ARHGEF28: variants seen among roughly 807,000 people sequenced by gnomAD.
ARHGEF28 encodes 190 kDa guanine nucleotide exchange factor.
In ARHGEF28, 152 loss-of-function variants were observed where a neutral mutation model predicts 206.6. The observed-to-expected ratio is 0.74, with a 90% CI of 0.64 to 0.84. ARHGEF28 has a LOEUF of 0.84. Ranked by LOEUF, ARHGEF28 falls within the 40% of genes least tolerant of loss-of-function variation. The pLI is 0.00. For missense variants in ARHGEF28, 2,028 were observed against 2,073.2 expected, an observed-to-expected ratio of 0.98 and a Z score of 0.42; for synonymous variants, 763 against 776.4, an observed-to-expected ratio of 0.98 and a Z score of 0.29.
chr5:73,761,652 A>T (rs1486850004), intron 4 of ARHGEF28, among the ~76,000 whole-genome samples: 2 of 152,140 alleles, frequency 1.3e-5, no homozygotes, highest in Admixed American at 1.3e-4. Context: ...ATCCTACCCT[A>T]GGTCCCCATA....
chr5:73,683,765 T>C (rs967902528), intron 1 of ARHGEF28, among the ~76,000 whole-genome samples: 2 of 152,138 alleles, frequency 1.3e-5, no homozygotes, highest in African/African-American at 4.8e-5. Context: ...AACTATCTTG[T>C]CACTATGCTA....
chr5:73,853,546 AT>A (rs199975368), intron 14 of ARHGEF28, among the ~76,000 whole-genome samples: 15 of 149,964 alleles, frequency 1.0e-4, no homozygotes, highest in East Asian at 1.9e-4. Flanking sequence ...GATCATTTCT[AT>A]TTTTTTTTTG....
chr5:73,724,305 G>A (rs968470514), intron 2 of ARHGEF28, among the ~76,000 whole-genome samples: 2 of 152,038 alleles, frequency 1.3e-5, no homozygotes, highest in African/African-American at 4.8e-5. Context: ...TTTCCCTTAG[G>A]AAATATAGAT....
chr5:73,748,355 A>C (rs1751850306), intron 2 of ARHGEF28, among the ~76,000 whole-genome samples: 1 of 151,482 alleles, frequency 6.6e-6, no homozygotes, highest in Non-Finnish European at 1.5e-5. Context: ...ATTTTTTTTC[A>C]GAACTCTATA....
intron 1 of ARHGEF28, among the ~76,000 whole-genome samples, chr5:73,628,356 G>A (rs1743135499): frequency 6.6e-6 from 1 of 152,138 alleles, no homozygotes; most frequent in East Asian, 1.9e-4. Flanking sequence ...AACAAGTCCT[G>A]CCAGTTTATG....
chr5:73,757,021 A>G (rs1752350457), intron 4 of ARHGEF28, among the ~76,000 whole-genome samples: 1 of 152,220 alleles, frequency 6.6e-6, no homozygotes. Flanking sequence ...TTGCCTATTC[A>G]TAACCATTTG....
chr5:73,894,389 A>T lies in ARHGEF28; in HGVS notation c.3659-4A>T, dbSNP rs1387256607. 3 of 1,599,024 alleles carry T rather than the reference A, an allele frequency of 1.9e-6. No homozygotes were observed. In the South Asian group the frequency reaches 3.4e-5, roughly 18 times the overall value. ...AATCTTCTATGGTAAATACTATTTCATAGAAATACTCACTAACCAAGACCA... is the reference window on the plus strand; with the variant it reads ...AATCTTCTATGGTAAATACTATTTCTTAGAAATACTCACTAACCAAGACCA... On this transcript the variant is annotated splice_polypyrimidine_tract_variant and splice_region_variant and intron_variant, in intron 28 of 35. Transcript: ENST00000513042.
intron 14 of ARHGEF28, among the ~76,000 whole-genome samples, chr5:73,856,763 A>G (rs1308791179): frequency 6.6e-6 from 1 of 152,166 alleles, no homozygotes; most frequent in African/African-American, 2.4e-5. Context: ...CAGTATGGAA[A>G]GGTGAGAATT....
chr5:73,785,683 A>G (rs1210966399), intron 7 of ARHGEF28, among the ~76,000 whole-genome samples: 1 of 152,172 alleles, frequency 6.6e-6, no homozygotes, highest in Non-Finnish European at 1.5e-5. Context: ...ATTATTTTGT[A>G]GTTCAAAAAC....
At chr5:73,733,204 G>A (rs1334493114) in intron 2 of ARHGEF28, among the ~76,000 whole-genome samples, 1 of 152,038 alleles carries the variant, frequency 6.6e-6, no homozygotes, top group Non-Finnish European at 1.5e-5. Context: ...TATATCCTGT[G>A]TTATTCCTAA....
intron 2 of ARHGEF28, among the ~76,000 whole-genome samples, chr5:73,741,557 T>C (rs1751436122): frequency 6.6e-6 from 1 of 150,520 alleles, no homozygotes; most frequent in Admixed American, 6.6e-5. Context: ...GTAGCTGGGA[T>C]TATAGGTGTG....
At chr5:73,626,776 C>A (rs1291532486) in intron 1 of ARHGEF28, among the ~76,000 whole-genome samples, 1 of 152,178 alleles carries the variant, frequency 6.6e-6, no homozygotes, top group Non-Finnish European at 1.5e-5. Context: ...GCAGACGGAA[C>A]GCAAGCTCAG....
At chr5:73,878,952 C>A (rs1213185505) in intron 22 of ARHGEF28, among the ~76,000 whole-genome samples, 1 of 151,976 alleles carries the variant, frequency 6.6e-6, no homozygotes, top group Non-Finnish European at 1.5e-5. Context: ...TCTGTATTTC[C>A]TGAATCTCAG....
chr5:73,781,676 G>T (rs909504844), intron 7 of ARHGEF28, among the ~76,000 whole-genome samples: 1 of 152,134 alleles, frequency 6.6e-6, no homozygotes, highest in Non-Finnish European at 1.5e-5. Context: ...CCCGGTGGTT[G>T]CAAAAATCTA....
intron 2 of ARHGEF28, among the ~76,000 whole-genome samples, chr5:73,724,781 A>G (rs1299720150): frequency 1.3e-5 from 2 of 152,228 alleles, no homozygotes; most frequent in African/African-American, 4.8e-5. Context: ...GTGTGGAGGT[A>G]ACACAGCTTA....
At chr5:73,769,997 A>T (rs1408052113) in intron 4 of ARHGEF28, among the ~76,000 whole-genome samples, 7 of 152,218 alleles carry the variant, frequency 4.6e-5, no homozygotes, top group African/African-American at 1.7e-4. Context: ...AGGTTAATTT[A>T]TTCTTTAATC....
At chr5:73,664,589 T>G (rs572159347) in intron 1 of ARHGEF28, among the ~76,000 whole-genome samples, 17 of 152,248 alleles carry the variant, frequency 1.1e-4, no homozygotes, top group African/African-American at 3.9e-4. Context: ...TATAATAGAG[T>G]GCTCAAAAAT....
intron 2 of ARHGEF28, among the ~76,000 whole-genome samples, chr5:73,744,871 T>G (rs999328450): frequency 2.6e-5 from 4 of 152,046 alleles, no homozygotes; most frequent in African/African-American, 9.7e-5. Flanking sequence ...TCATAAACTT[T>G]TTTTGAATCT....
In ARHGEF28 at chr5:73,941,130, T is replaced by C. The variant is rs745995859; in HGVS notation, c.*117T>C. 7 of 1,059,464 alleles carry C rather than the reference T, an allele frequency of 6.6e-6. No homozygotes were observed. The highest frequency in any genetic ancestry group is 8.6e-6 in the Non-Finnish European group (7 of 815,412). The allele number at this position is 1,059,464 out of a possible 1,614,324, so 65.6% of individuals were successfully genotyped here. On this transcript the variant is annotated 3_prime_UTR_variant, in exon 36 of 36. Transcript: ENST00000513042. ...GTCCAAATTGCTTTAAGAATAATAT[T>C]TAATATTTCCTGGAAGCTCATTTTT...
Sources: gnomAD v4.1 joint callset for allele counts (sites outside exome capture counted in the v4.1 genomes callset) on GRCh38, gnomAD v4.1.1 for gene constraint, MANE v1.5 for transcripts, NCBI Gene and HGNC (gene_info 2026-07-23, HGNC 2026-07-21) for gene names.